Variants in CRB1 observed in about 807,000 individuals in gnomAD.
CRB1 encodes protein crumbs homolog 1.
Under a neutral mutation model 120.0 loss-of-function variants are expected in CRB1, and 83 were observed. The observed-to-expected ratio is 0.69, with a 90% CI of 0.58 to 0.83. The LOEUF (loss-of-function observed/expected upper bound fraction) is 0.83, where lower values mean the gene tolerates loss of function less well. Ranked by LOEUF, CRB1 falls within the 40% of genes least tolerant of loss-of-function variation. CRB1 has a pLI of 0.00. For missense variants in CRB1, 1,699 were observed against 1,687.6 expected, an observed-to-expected ratio of 1.01 and a Z score of -0.12; for synonymous variants, 625 against 612.5, an observed-to-expected ratio of 1.02 and a Z score of -0.30.
chr1:197,407,813 A>G (rs562110945), intron 5 of CRB1, among the ~76,000 whole-genome samples: 1 of 152,290 alleles, frequency 6.6e-6, no homozygotes. Flanking sequence ...AAAATATTAC[A>G]TATATTTTCA....
At chr1:197,428,982 C>G in intron 7 of CRB1, 1 of 1,532,256 alleles carries the variant, frequency 6.5e-7, no homozygotes, top group Non-Finnish European at 8.7e-7. Context: ...AGAGGCAGAC[C>G]AATGTGGGAA....
chr1:197,201,596 T>G, the CRB1 span, among the ~76,000 whole-genome samples: 1 of 152,136 alleles, frequency 6.6e-6, no homozygotes, highest in African/African-American at 2.4e-5. Context: ...ACCGTGAGGC[T>G]TTTGCTGAGG....
rs776701182 is a variant in CRB1, at chr1:197,421,830, G to A, written c.2002G>A (p.Ala668Thr). The change falls in exon 6 of 12, where the codon GCA becomes ACA. Residue 668 changes from alanine to threonine, a missense_variant. Transcript: ENST00000367400. ...ISSGSSLNVK[A>T]GCVRKDWCES... is the part of the protein sequence containing the mutation. ...GTCTGGCTCATCATTAAATGTCAAG[G>A]CAGGCTGTGTGAGAAAGGATTGGTG... The A allele has an allele frequency of 1.6e-5, 26 of 1,614,028 alleles. 1 individual carries two copies. In the South Asian group the frequency reaches 2.9e-4, roughly 18 times the overall value.
At chr1:197,382,561 A>G (rs1209465209) in intron 5 of CRB1, among the ~76,000 whole-genome samples, 3 of 152,210 alleles carry the variant, frequency 2.0e-5, no homozygotes, top group African/African-American at 7.2e-5. Context: ...GACGTTTTTC[A>G]AAGAAACATC....
the CRB1 span, among the ~76,000 whole-genome samples, chr1:197,247,036 A>G: frequency 1.3e-5 from 2 of 152,104 alleles, no homozygotes; most frequent in Admixed American, 6.6e-5. Context: ...TATAGCAATC[A>G]TAAGTAAATC....
intron 5 of CRB1, among the ~76,000 whole-genome samples, chr1:197,417,104 T>C (rs1293537824): frequency 6.6e-6 from 1 of 152,208 alleles, no homozygotes; most frequent in African/African-American, 2.4e-5. Context: ...GGCTTGCTGC[T>C]GTGTTGTGAG....
chr1:197,294,670 TG>T (rs1009478322), intron 1 of CRB1, among the ~76,000 whole-genome samples: 32 of 152,200 alleles, frequency 2.1e-4, no homozygotes, highest in Admixed American at 1.6e-3. Context: ...TGTCCATCAA[TG>T]ATAGACAGGA....
At chr1:197,366,833 C>T (rs1176643915) in intron 5 of CRB1, among the ~76,000 whole-genome samples, 1 of 152,094 alleles carries the variant, frequency 6.6e-6, no homozygotes, top group Non-Finnish European at 1.5e-5. Flanking sequence ...ATCTAAAGAT[C>T]CATTTAGATA....
the CRB1 span, among the ~76,000 whole-genome samples, chr1:197,240,687 G>T: frequency 6.6e-6 from 1 of 152,276 alleles, no homozygotes; most frequent in Admixed American, 6.5e-5. Flanking sequence ...GTGTGCATGT[G>T]TCTTTATAGT....
At chr1:197,457,151 C>G (rs1259817937) in intron 11 of CRB1, among the ~76,000 whole-genome samples, 1 of 152,094 alleles carries the variant, frequency 6.6e-6, no homozygotes, top group Non-Finnish European at 1.5e-5. Context: ...TTCCCTCCCC[C>G]ACACAATCAG....
At chr1:197,433,295 T>C (rs1218343169) in intron 8 of CRB1, among the ~76,000 whole-genome samples, 1 of 152,078 alleles carries the variant, frequency 6.6e-6, no homozygotes, top group Non-Finnish European at 1.5e-5. Flanking sequence ...TGCAGAGCAG[T>C]AGAAGCAGGG....
At chr1:197,206,868 A>G in the CRB1 span, among the ~76,000 whole-genome samples, 2 of 152,120 alleles carry the variant, frequency 1.3e-5, no homozygotes, top group African/African-American at 2.4e-5. Flanking sequence ...GTTGCCATCT[A>G]TCTCATTTCT....
At chr1:197,324,093 A>G (rs903533437) in intron 1 of CRB1, among the ~76,000 whole-genome samples, 2 of 152,230 alleles carry the variant, frequency 1.3e-5, no homozygotes, top group Non-Finnish European at 2.9e-5. Flanking sequence ...GGTGATGTCA[A>G]TGAATTTTGG....
chr1:197,416,766 G>A (rs1431470698), intron 5 of CRB1, among the ~76,000 whole-genome samples: 1 of 152,068 alleles, frequency 6.6e-6, no homozygotes, highest in African/African-American at 2.4e-5. Flanking sequence ...CTGGAGTGCA[G>A]TGGCACAATC....
chr1:197,448,113 A>G (rs1399676441), intron 11 of CRB1, among the ~76,000 whole-genome samples: 2 of 151,768 alleles, frequency 1.3e-5, no homozygotes, highest in East Asian at 3.9e-4. Flanking sequence ...TTTTACTTTC[A>G]CATAATTAGG....
chr1:197,265,371 G>C (rs1170629336), upstream of CRB1, among the ~76,000 whole-genome samples: 2 of 115,136 alleles, frequency 1.7e-5, no homozygotes, highest in African/African-American at 3.4e-5. Flanking sequence ...CCTTCCTTTT[G>C]TCCTCCCTTC....
the CRB1 span, among the ~76,000 whole-genome samples, chr1:197,246,371 A>G: frequency 1.1e-4 from 16 of 151,794 alleles, no homozygotes; most frequent in African/African-American, 3.6e-4. Context: ...ATTTATTTCT[A>G]TTTTTTGTCT....
At chr1:197,400,462 T>C (rs1663005850) in intron 5 of CRB1, among the ~76,000 whole-genome samples, 1 of 135,634 alleles carries the variant, frequency 7.4e-6, no homozygotes. Context: ...GAACCAGAAG[T>C]AAAAGAGCAT....
At chr1:197,223,719 G>T in the CRB1 span, among the ~76,000 whole-genome samples, 1 of 152,108 alleles carries the variant, frequency 6.6e-6, no homozygotes, top group Non-Finnish European at 1.5e-5. Flanking sequence ...GAAACAAGAG[G>T]AAAGGTTTTT....
Sources: allele counts gnomAD v4.1 joint callset (sites outside exome capture counted in the v4.1 genomes callset), GRCh38; gene constraint gnomAD v4.1.1; transcripts MANE v1.5; gene names NCBI Gene and HGNC (gene_info 2026-07-23, HGNC 2026-07-21).